The following ACTR3C variants were observed in gnomAD, a reference collection of about 807,000 sequenced individuals.
The protein encoded by ACTR3C is actin-related protein 3C.
Under a neutral mutation model 26.3 loss-of-function variants are expected in ACTR3C, and 18 were observed. The ratio of observed to expected loss-of-function variants is 0.68; its 90% confidence interval spans 0.47 to 1.01. The LOEUF is 1.01. Ranked by LOEUF, ACTR3C falls within the 50% of genes least tolerant of loss-of-function variation. The probability of loss-of-function intolerance (pLI) is 0.00; values close to 1 mark genes in which losing one functional copy is unlikely to be tolerated. For synonymous variants in ACTR3C, 55 were observed against 94.5 expected, an observed-to-expected ratio of 0.58 and a Z score of 2.42; for missense variants, 184 against 250.7, an observed-to-expected ratio of 0.73 and a Z score of 1.80.
At chr7:150,119,900 C>T in the ACTR3C span, among the ~76,000 whole-genome samples, 1 of 152,176 alleles carries the variant, frequency 6.6e-6, no homozygotes, top group Non-Finnish European at 1.5e-5. Context: ...GACCATGGCA[C>T]AATCAAATTA....
the ACTR3C span, among the ~76,000 whole-genome samples, chr7:150,178,529 C>CG: frequency 6.7e-6 from 1 of 150,372 alleles, no homozygotes; most frequent in Non-Finnish European, 1.5e-5. Context: ...GGTGATCCAT[C>CG]CACCTTGGCC....
chr7:150,014,324 C>T, the ACTR3C span, among the ~76,000 whole-genome samples: 7 of 151,936 alleles, frequency 4.6e-5, no homozygotes, highest in East Asian at 1.9e-4. Flanking sequence ...GGCATGGTGG[C>T]GGGCGCCTGC....
chr7:149,980,987 G>A, the ACTR3C span, among the ~76,000 whole-genome samples: 1 of 150,666 alleles, frequency 6.6e-6, no homozygotes, highest in Non-Finnish European at 1.5e-5. Flanking sequence ...AGTTTTACCA[G>A]ACAGCAAGCA....
At chr7:149,957,081 T>C in the ACTR3C span, among the ~76,000 whole-genome samples, 5 of 152,238 alleles carry the variant, frequency 3.3e-5, no homozygotes, top group Middle Eastern at 3.2e-3. Context: ...AGAGACTTCT[T>C]AGTTGTTGTG....
At chr7:150,223,358 T>C in the ACTR3C span, among the ~76,000 whole-genome samples, 5 of 152,266 alleles carry the variant, frequency 3.3e-5, no homozygotes, top group Middle Eastern at 3.4e-3. Flanking sequence ...CAACTATTTA[T>C]GGATCAAGCT....
chr7:150,214,036 A>G, the ACTR3C span, among the ~76,000 whole-genome samples: 1 of 149,470 alleles, frequency 6.7e-6, no homozygotes, highest in African/African-American at 2.5e-5. Context: ...TGAATGGGCT[A>G]CAAGAGGATA....
At chr7:150,210,718 G>A in the ACTR3C span, among the ~76,000 whole-genome samples, 1 of 149,814 alleles carries the variant, frequency 6.7e-6, no homozygotes, top group Non-Finnish European at 1.5e-5. Context: ...TTTCCTTACG[G>A]ATGGAAAAAG....
chr7:150,080,433 A>G, the ACTR3C span, among the ~76,000 whole-genome samples: 70 of 151,836 alleles, frequency 4.6e-4, no homozygotes, highest in African/African-American at 1.6e-3. Context: ...TTTAAAACAC[A>G]TGGACACAGA....
chr7:150,018,306 A>G, the ACTR3C span, among the ~76,000 whole-genome samples: 2 of 140,060 alleles, frequency 1.4e-5, no homozygotes, highest in Non-Finnish European at 1.5e-5. Context: ...GGCCTCCCAA[A>G]GTGCTAGGAT....
the ACTR3C span, among the ~76,000 whole-genome samples, chr7:150,226,474 T>A: frequency 8.6e-4 from 131 of 152,320 alleles, 2 homozygotes; most frequent in Non-Finnish European, 1.5e-4. Flanking sequence ...TTTGCTCTTG[T>A]CGCCTAGACT....
chr7:149,911,642 G>A, the ACTR3C span, among the ~76,000 whole-genome samples: 1 of 150,844 alleles, frequency 6.6e-6, no homozygotes, highest in Non-Finnish European at 1.5e-5. Flanking sequence ...TTTAAGAGGA[G>A]CAGTGGCCTA....
chr7:150,155,172 C>A, the ACTR3C span, among the ~76,000 whole-genome samples: 105 of 152,230 alleles, frequency 6.9e-4, no homozygotes, highest in African/African-American at 2.5e-3. Context: ...CCACGGAGAT[C>A]CGGTGGAAAA....
chr7:150,026,397 C>T, the ACTR3C span, among the ~76,000 whole-genome samples: 11 of 152,096 alleles, frequency 7.2e-5, no homozygotes, highest in Non-Finnish European at 1.3e-4. Flanking sequence ...CTCAATAGCA[C>T]TGATGTATCT....
the ACTR3C span, among the ~76,000 whole-genome samples, chr7:150,086,159 T>G: frequency 6.6e-6 from 1 of 151,984 alleles, no homozygotes; most frequent in Non-Finnish European, 1.5e-5. Flanking sequence ...AATTTTTGTA[T>G]TTTTAGTAGA....
At chr7:149,912,504 A>T in the ACTR3C span, among the ~76,000 whole-genome samples, 1 of 139,624 alleles carries the variant, frequency 7.2e-6, no homozygotes, top group African/African-American at 2.7e-5. Context: ...AGATATATTA[A>T]TTTTTTTTTT....
the ACTR3C span, among the ~76,000 whole-genome samples, chr7:150,085,926 A>G: frequency 2.6e-5 from 4 of 152,066 alleles, no homozygotes; most frequent in Non-Finnish European, 5.9e-5. Flanking sequence ...ATGGATGGAA[A>G]CAAAAAATAC....
At chr7:149,937,349 T>C in the ACTR3C span, among the ~76,000 whole-genome samples, 5 of 151,154 alleles carry the variant, frequency 3.3e-5, no homozygotes, top group Admixed American at 2.6e-4. Flanking sequence ...AGAGTAATTC[T>C]TTGTGTCTCA....
the ACTR3C span, chr7:150,047,582 C>T: frequency 8.4e-4 from 886 of 1,048,610 alleles, 20 homozygotes; most frequent in South Asian, 0.034. Flanking sequence ...CCCCCGCCGC[C>T]GTCCCCCGCC....
the ACTR3C span, among the ~76,000 whole-genome samples, chr7:150,034,693 A>T: frequency 5.9e-5 from 9 of 151,540 alleles, no homozygotes; most frequent in Non-Finnish European, 1.2e-4. Flanking sequence ...GAAGATTTGA[A>T]CTTTCTACTT....
Sources: allele counts gnomAD v4.1 joint callset (sites outside exome capture counted in the v4.1 genomes callset), GRCh38; gene constraint gnomAD v4.1.1; transcripts MANE v1.5; gene names NCBI Gene and HGNC (gene_info 2026-07-23, HGNC 2026-07-21).